HMGN5: variants seen among roughly 807,000 people sequenced by gnomAD.
The protein encoded by HMGN5 is high mobility group nucleosome binding domain 5, also known as high mobility group nucleosome-binding domain-containing protein 5.
In HMGN5, 4 loss-of-function variants were observed where a neutral mutation model predicts 9.5. The observed-to-expected ratio is 0.42, with a 90% CI of 0.21 to 0.96. The LOEUF is 0.96. Among genes scored for constraint, HMGN5 ranks in the 40% least tolerant of loss-of-function variants. HMGN5 has a pLI of 0.30. For synonymous variants in HMGN5, 55 were observed against 57.1 expected, an observed-to-expected ratio of 0.96 and a Z score of 0.16; for missense variants, 192 against 187.5, an observed-to-expected ratio of 1.02 and a Z score of -0.14.
intron 1 of HMGN5, among the ~76,000 whole-genome samples, chrX:81,194,473 T>TA (rs2075502308): frequency 9.0e-6 from 1 of 111,447 alleles, no homozygotes; most frequent in Non-Finnish European, 1.9e-5. Context: ...AGAAAATATA[T>TA]AAATGGCAAT....
intron 1 of HMGN5, among the ~76,000 whole-genome samples, chrX:81,140,719 T>A (rs2075326749): frequency 9.0e-6 from 1 of 111,265 alleles, no homozygotes; most frequent in African/African-American, 3.3e-5. Flanking sequence ...CAGGTGAGAT[T>A]CAGCATATGA....
At chrX:81,146,455 C>A (rs183543411) in intron 1 of HMGN5, among the ~76,000 whole-genome samples, 4 of 111,475 alleles carry the variant, frequency 3.6e-5, no homozygotes, top group African/African-American at 6.5e-5. Context: ...CCAAGGGGAA[C>A]AAAGGCACAA....
At chrX:81,188,599 T>A (rs2075485026) in intron 1 of HMGN5, among the ~76,000 whole-genome samples, 1 of 110,012 alleles carries the variant, frequency 9.1e-6, no homozygotes, top group South Asian at 3.9e-4. Flanking sequence ...TTACATTAGT[T>A]ATATCTCCTA....
intron 1 of HMGN5, among the ~76,000 whole-genome samples, chrX:81,148,379 GA>G (rs1371023049): frequency 1.8e-5 from 2 of 112,095 alleles, no homozygotes; most frequent in Non-Finnish European, 3.8e-5. Flanking sequence ...AAGCAATTGG[GA>G]AAGGATTCTT....
intron 1 of HMGN5, among the ~76,000 whole-genome samples, chrX:81,137,337 A>G (rs1195307952): frequency 8.9e-6 from 1 of 111,873 alleles, no homozygotes; most frequent in East Asian, 2.8e-4. Context: ...GCATCATAAG[A>G]CACCTCAATA....
At chrX:81,123,061 A>C (rs1258075213) in intron 1 of HMGN5, among the ~76,000 whole-genome samples, 1 of 111,382 alleles carries the variant, frequency 9.0e-6, no homozygotes, top group Non-Finnish European at 1.9e-5. Context: ...GTGTTTATGT[A>C]GGTTAAAAAA....
chrX:81,189,849 A>G (rs2075489040), intron 1 of HMGN5, among the ~76,000 whole-genome samples: 1 of 112,345 alleles, frequency 8.9e-6, no homozygotes. Flanking sequence ...TTCCACCAGC[A>G]ATGAATGATG....
chrX:81,128,798 A>G (rs751843429), intron 1 of HMGN5, among the ~76,000 whole-genome samples: 3 of 112,249 alleles, frequency 2.7e-5, no homozygotes, highest in South Asian at 3.7e-4. Context: ...CAATAAATGT[A>G]GCATTCTATT....
chrX:81,172,880 A>T (rs780169124), intron 1 of HMGN5, among the ~76,000 whole-genome samples: 1 of 111,483 alleles, frequency 9.0e-6, no homozygotes, highest in East Asian at 2.8e-4. Flanking sequence ...AATATGGATT[A>T]AACTACAATG....
intron 1 of HMGN5, among the ~76,000 whole-genome samples, chrX:81,135,756 A>T (rs2075309482): frequency 9.0e-6 from 1 of 110,742 alleles, no homozygotes; most frequent in Non-Finnish European, 1.9e-5. Flanking sequence ...ATATTCTAAA[A>T]ATAATTGTAG....
intron 1 of HMGN5, among the ~76,000 whole-genome samples, chrX:81,159,806 C>A (rs747372384): frequency 3.6e-5 from 4 of 110,749 alleles, no homozygotes; most frequent in African/African-American, 1.3e-4. Context: ...AGGCATGAGC[C>A]ATAGTCAGTT....
At chrX:81,188,263 ATAT>A (rs558790724) in intron 1 of HMGN5, among the ~76,000 whole-genome samples, 26,416 of 86,698 alleles carry the variant, frequency 0.3, 4,193 homozygotes, top group African/African-American at 0.53. Context: ...TGTGCACAGA[ATAT>A]TATTATTATT....
chrX:81,115,927 C>T (rs2075251830), intron 6 of HMGN5, among the ~76,000 whole-genome samples: 1 of 111,877 alleles, frequency 8.9e-6, no homozygotes, highest in African/African-American at 3.2e-5. Context: ...TAAAGATTGG[C>T]TTGTATTTAA....
intron 1 of HMGN5, among the ~76,000 whole-genome samples, chrX:81,125,883 C>T (rs1486832404): frequency 9.0e-6 from 1 of 110,922 alleles, no homozygotes; most frequent in East Asian, 2.8e-4. Context: ...TGTGGTGGCT[C>T]GCGTCTGTAA....
chrX:81,170,053 C>CA (rs397896203), intron 1 of HMGN5, among the ~76,000 whole-genome samples: 1,815 of 34,386 alleles, frequency 0.053, 32 homozygotes, highest in East Asian at 0.15. Context: ...GACCCCGTCT[C>CA]AAAAAAAAAA....
At chrX:81,199,650 G>T (rs1000071236) in intron 1 of HMGN5, among the ~76,000 whole-genome samples, 1 of 111,947 alleles carries the variant, frequency 8.9e-6, no homozygotes, top group African/African-American at 3.3e-5. Flanking sequence ...TTTAATAAAC[G>T]GTGCTGGGAA....
At chrX:81,179,763 G>T (rs773038565) in intron 1 of HMGN5, among the ~76,000 whole-genome samples, 33 of 111,497 alleles carry the variant, frequency 3.0e-4, no homozygotes, top group Admixed American at 2.9e-3. Context: ...TAAGCAAAAA[G>T]AAAAAAGCTG....
intron 1 of HMGN5, among the ~76,000 whole-genome samples, chrX:81,166,709 G>A (rs748942666): frequency 9.0e-6 from 1 of 111,429 alleles, no homozygotes; most frequent in Admixed American, 9.5e-5. Context: ...GCTATTTAAG[G>A]TCCCAAACCA....
intron 1 of HMGN5, among the ~76,000 whole-genome samples, chrX:81,195,817 A>C (rs1437182462): frequency 8.9e-6 from 1 of 111,957 alleles, no homozygotes; most frequent in Non-Finnish European, 1.9e-5. Context: ...CCTCTGCTGG[A>C]ATTCTGTAAA....
Sources: allele counts gnomAD v4.1 joint callset (sites outside exome capture counted in the v4.1 genomes callset), GRCh38; gene constraint gnomAD v4.1.1; transcripts MANE v1.5; gene names NCBI Gene and HGNC (gene_info 2026-07-23, HGNC 2026-07-21).